The following GRID2 variants were observed in gnomAD, a reference collection of about 807,000 sequenced individuals.
GRID2 encodes the protein glutamate ionotropic receptor delta type subunit 2.
A neutral mutation model predicts 114.8 loss-of-function variants in GRID2; 33 were observed. That is an observed-to-expected ratio of 0.29 (90% CI 0.22 to 0.38). The LOEUF (loss-of-function observed/expected upper bound fraction) is 0.38. Ranked by LOEUF, GRID2 falls within the 10% of genes least tolerant of loss-of-function variation. The pLI is 1.00. For synonymous variants in GRID2, 505 were observed against 449.9 expected, an observed-to-expected ratio of 1.12 and a Z score of -1.55; for missense variants, 1,184 against 1,257.7, an observed-to-expected ratio of 0.94 and a Z score of 0.89.
At chr4:93,717,149 C>T (rs1158025576) in intron 14 of GRID2, among the ~76,000 whole-genome samples, 3 of 152,070 alleles carry the variant, frequency 2.0e-5, no homozygotes, top group African/African-American at 7.2e-5. Context: ...AAGTGGAAGG[C>T]TTTATTTCTA....
At chr4:93,267,409 G>A (rs541001502) in intron 8 of GRID2, among the ~76,000 whole-genome samples, 1 of 152,064 alleles carries the variant, frequency 6.6e-6, no homozygotes, top group African/African-American at 2.4e-5. Flanking sequence ...CCCAGCAGGG[G>A]GTGGAGCAAC....
At chr4:93,363,305 C>T (rs2149278164) in intron 8 of GRID2, among the ~76,000 whole-genome samples, 1 of 152,244 alleles carries the variant, frequency 6.6e-6, no homozygotes, top group East Asian at 1.9e-4. Context: ...TACACATGTG[C>T]CTCTTTGTCC....
At chr4:93,297,614 A>G (rs1754453264) in intron 8 of GRID2, among the ~76,000 whole-genome samples, 1 of 152,038 alleles carries the variant, frequency 6.6e-6, no homozygotes, top group Non-Finnish European at 1.5e-5. Context: ...TTATCTATCT[A>G]CTCATCTGGA....
chr4:92,830,753 C>G (rs1321256923), intron 2 of GRID2, among the ~76,000 whole-genome samples: 1 of 152,120 alleles, frequency 6.6e-6, no homozygotes, highest in Non-Finnish European at 1.5e-5. Context: ...TTTTATTACA[C>G]TCTTATTTAA....
chr4:93,214,248 A>T (rs192549401), intron 5 of GRID2, among the ~76,000 whole-genome samples: 172 of 152,144 alleles, frequency 1.1e-3, no homozygotes, highest in African/African-American at 3.6e-3. Flanking sequence ...AACATTTTTT[A>T]AAAAATTCAG....
At chr4:93,375,370 G>A (rs978081128) in intron 8 of GRID2, among the ~76,000 whole-genome samples, 2 of 151,604 alleles carry the variant, frequency 1.3e-5, no homozygotes, top group African/African-American at 4.8e-5. Flanking sequence ...TCACCACCAC[G>A]CCCGGCTAAT....
chr4:93,534,958 A>G (rs372139889), intron 13 of GRID2, among the ~76,000 whole-genome samples: 15 of 151,914 alleles, frequency 9.9e-5, no homozygotes, highest in South Asian at 8.3e-4. Context: ...CATTTCCAGA[A>G]CTTATTCATC....
At chr4:92,496,563 C>G (rs1391227425) in intron 1 of GRID2, among the ~76,000 whole-genome samples, 1 of 151,714 alleles carries the variant, frequency 6.6e-6, no homozygotes, top group Non-Finnish European at 1.5e-5. Flanking sequence ...TTATGGTATT[C>G]TTTCCAGAGA....
chr4:93,260,878 C>T (rs749880677), intron 8 of GRID2, among the ~76,000 whole-genome samples: 1 of 151,816 alleles, frequency 6.6e-6, no homozygotes, highest in Non-Finnish European at 1.5e-5. Flanking sequence ...ATCTTTATTA[C>T]ATTCAATGGT....
intron 8 of GRID2, among the ~76,000 whole-genome samples, chr4:93,363,419 CT>C (rs1762055804): frequency 1.3e-5 from 2 of 152,094 alleles, no homozygotes; most frequent in African/African-American, 4.8e-5. Flanking sequence ...ATTACAGCTT[CT>C]TTTTTTCTTG....
intron 1 of GRID2, among the ~76,000 whole-genome samples, chr4:92,441,468 T>C (rs2149067577): frequency 6.6e-6 from 1 of 152,088 alleles, no homozygotes; most frequent in South Asian, 2.1e-4. Flanking sequence ...AACAGAATAA[T>C]GGATAGTAGA....
intron 1 of GRID2, among the ~76,000 whole-genome samples, chr4:92,316,365 G>A (rs556975712): frequency 1.3e-5 from 2 of 152,214 alleles, no homozygotes; most frequent in East Asian, 1.9e-4. Context: ...AGATGTAAGA[G>A]GGACTGCTCT....
intron 2 of GRID2, among the ~76,000 whole-genome samples, chr4:92,993,990 G>C (rs1167801856): frequency 6.6e-6 from 1 of 152,078 alleles, no homozygotes. Context: ...TCATTTCAGG[G>C]GCCAGTAGAA....
chr4:92,610,188 C>T (rs1560487482), intron 2 of GRID2, among the ~76,000 whole-genome samples: 1 of 151,698 alleles, frequency 6.6e-6, no homozygotes, highest in East Asian at 2.0e-4. Flanking sequence ...ACTGACACCC[C>T]CTTTCAATGA....
intron 2 of GRID2, among the ~76,000 whole-genome samples, chr4:92,957,914 T>C (rs1365995834): frequency 1.3e-5 from 2 of 152,098 alleles, no homozygotes; most frequent in African/African-American, 2.4e-5. Flanking sequence ...GGGATGCTAA[T>C]GTAAATAGTG....
At chr4:92,372,133 C>T (rs1047979956) in intron 1 of GRID2, among the ~76,000 whole-genome samples, 4 of 151,532 alleles carry the variant, frequency 2.6e-5, no homozygotes, top group African/African-American at 4.9e-5. Context: ...AAAAAAATGT[C>T]GTTTCTTTGG....
At chr4:93,454,814 G>A (rs1016535886) in intron 10 of GRID2, among the ~76,000 whole-genome samples, 5 of 151,948 alleles carry the variant, frequency 3.3e-5, no homozygotes, top group Admixed American at 2.0e-4. Context: ...GTCTGGAAGG[G>A]TCATCCTGCA....
chr4:93,093,837 A>G (rs1730982780), intron 3 of GRID2, among the ~76,000 whole-genome samples: 1 of 151,958 alleles, frequency 6.6e-6, no homozygotes, highest in South Asian at 2.1e-4. Context: ...ATGCCAGGGA[A>G]AAGGGGAAAG....
intron 14 of GRID2, among the ~76,000 whole-genome samples, chr4:93,728,768 G>A (rs1730191573): frequency 1.3e-5 from 2 of 151,980 alleles, no homozygotes; most frequent in African/African-American, 4.8e-5. Context: ...TTTGATCTTT[G>A]TTGGTTTAAA....
Sources: allele counts gnomAD v4.1 joint callset (sites outside exome capture counted in the v4.1 genomes callset), GRCh38; gene constraint gnomAD v4.1.1; transcripts MANE v1.5; gene names NCBI Gene and HGNC (gene_info 2026-07-23, HGNC 2026-07-21).